Variants in RBM47 observed in about 807,000 individuals in gnomAD.
RBM47 encodes RNA binding motif protein 47, also known as RNA-binding protein 47.
RBM47 carries 21 observed loss-of-function variants against 47.1 expected under a neutral mutation model. That is an observed-to-expected ratio of 0.45 (90% confidence interval 0.32 to 0.64). The LOEUF is 0.64. Among genes scored for constraint, RBM47 ranks in the 30% least tolerant of loss-of-function variants. The pLI is 0.05. For synonymous variants in RBM47, 375 were observed against 361.7 expected, an observed-to-expected ratio of 1.04 and a Z score of -0.42; for missense variants, 708 against 870.9, an observed-to-expected ratio of 0.81 and a Z score of 2.35.
At chr4:40,436,944 A>T in intron 4 of RBM47, 1 of 401,046 alleles carries the variant, frequency 2.5e-6, no homozygotes, top group Non-Finnish European at 4.8e-6. Context: ...CCCCCCCGCC[A>T]AAAAAAAAAC....
chr4:40,558,419 C>T (rs6855612), intron 1 of RBM47, among the ~76,000 whole-genome samples: 14,517 of 151,488 alleles, frequency 0.096, 1,230 homozygotes, highest in African/African-American at 0.23. Context: ...TGGCTCACGC[C>T]TGTAATCCCA....
At chr4:40,461,541 G>A (rs1717140305) in intron 3 of RBM47, among the ~76,000 whole-genome samples, 1 of 152,158 alleles carries the variant, frequency 6.6e-6, no homozygotes, top group South Asian at 2.1e-4. Context: ...AGCAGCCCAC[G>A]TTGCTGAGGA....
chr4:40,426,207 C>G, intron 6 of RBM47, 64 bp from the exon 7 acceptor site: 1 of 1,546,728 alleles, frequency 6.5e-7, no homozygotes. Context: ...TCCATTCATT[C>G]AACAAGCCTC....
At chr4:40,556,981 T>C (rs547691577) in intron 1 of RBM47, among the ~76,000 whole-genome samples, 58 of 141,568 alleles carry the variant, frequency 4.1e-4, no homozygotes, top group African/African-American at 1.4e-3. Context: ...GGGGGGCACG[T>C]TGGGGGGAGT....
At chr4:40,579,903 A>G (rs1472003824) in intron 1 of RBM47, among the ~76,000 whole-genome samples, 1 of 151,978 alleles carries the variant, frequency 6.6e-6, no homozygotes, top group Non-Finnish European at 1.5e-5. Context: ...GCACACTACC[A>G]TGCCTGTCTA....
intron 1 of RBM47, among the ~76,000 whole-genome samples, chr4:40,605,647 A>G (rs541439962): frequency 1.3e-5 from 2 of 152,050 alleles, no homozygotes; most frequent in East Asian, 2.0e-4. Context: ...CCTGGCCAAC[A>G]TGGTGAAACC....
In RBM47 at chr4:40,423,648, TTCTTTTTCTTTC is replaced by T. The variant is rs1372250641; in HGVS notation, c.*2244_*2255del. On this transcript the variant is annotated 3_prime_UTR_variant, in exon 7 of 7. Transcript: ENST00000295971. The stretch of plus-strand genomic sequence containing the variant: ...GTTATCATTTTTTTTTATTCTTTCT[TTCTTTTTCTTTC>T]TTTCTTTCTTTCTTTCTTTCTTTCT... 4.8e-5 allele frequency: 7 copies of T among 145,636 alleles called. No homozygotes were observed. The South Asian group carries it at 1.1e-3, about 23-fold the overall frequency. The allele number at this position is 145,636 out of a possible 1,614,324, so 9.0% of individuals were successfully genotyped here. A position where few individuals can be genotyped will look rare whatever the true frequency, so the allele number is the denominator to read the frequency against.
At chr4:40,566,460 C>T (rs181472501) in intron 1 of RBM47, among the ~76,000 whole-genome samples, 28 of 152,056 alleles carry the variant, frequency 1.8e-4, no homozygotes, top group East Asian at 7.7e-4. Flanking sequence ...GCCTGACCAA[C>T]GTGGTGAAAC....
chr4:40,552,534 CA>C (rs11347007), intron 1 of RBM47, among the ~76,000 whole-genome samples: 5,770 of 152,200 alleles, frequency 0.038, 395 homozygotes, highest in African/African-American at 0.13. Context: ...TAATTTGAAC[CA>C]GGGGTAGACT....
At chr4:40,592,872 C>T (rs1393163129) in intron 1 of RBM47, among the ~76,000 whole-genome samples, 6 of 136,634 alleles carry the variant, frequency 4.4e-5, no homozygotes, top group Non-Finnish European at 7.6e-5. Context: ...GAAATGGCAT[C>T]TGAACCTTAG....
At position 40,532,309 on chromosome 4, in the gene RBM47, A is replaced by ATT. The variant is rs34850081; in HGVS notation, c.-155+12111_-155+12112dup. On this transcript the variant is annotated intron_variant, in intron 2 of 6. Coordinates refer to ENST00000295971, the MANE Select transcript of RBM47 (RefSeq NM_001098634.2). ...ACAGACGTGAGTCACCACGCCCGGC[A>ATT]TTTTTTTTTTTTTTTTTTTTTTGAG... is the stretch of plus-strand genomic sequence containing the variant. 7.4e-3 allele frequency among the ~76,000 whole-genome samples: 484 copies of ATT among 65,670 alleles called. 2 individuals are homozygous for ATT. The highest frequency in any genetic ancestry group is 0.019 in the Middle Eastern group (1 of 54). The allele number at this position is 65,670 out of a possible 152,430, so 43.1% of individuals were successfully genotyped here.
At chr4:40,556,609 G>A (rs1577953109) in intron 1 of RBM47, among the ~76,000 whole-genome samples, 1 of 152,114 alleles carries the variant, frequency 6.6e-6, no homozygotes, top group Non-Finnish European at 1.5e-5. Flanking sequence ...TACTATGAGG[G>A]CCAGACACAG....
At chr4:40,614,768 C>T (rs2154280000) in intron 1 of RBM47, among the ~76,000 whole-genome samples, 1 of 152,222 alleles carries the variant, frequency 6.6e-6, no homozygotes, top group East Asian at 1.9e-4. Context: ...AAGGCCAAGG[C>T]TGCAGTGAGC....
At chr4:40,496,496 C>A (rs1040432384) in intron 2 of RBM47, among the ~76,000 whole-genome samples, 1 of 152,172 alleles carries the variant, frequency 6.6e-6, no homozygotes, top group African/African-American at 2.4e-5. Flanking sequence ...CTTGTCTATG[C>A]AGACATTCAC....
At chr4:40,516,136 C>T (rs1025820143) in intron 2 of RBM47, among the ~76,000 whole-genome samples, 2 of 152,034 alleles carry the variant, frequency 1.3e-5, no homozygotes, top group Non-Finnish European at 2.9e-5. Flanking sequence ...CGCCTCCTAA[C>T]GCCTCATCCG....
At chr4:40,610,329 G>C (rs1057419868) in intron 1 of RBM47, among the ~76,000 whole-genome samples, 1 of 151,334 alleles carries the variant, frequency 6.6e-6, no homozygotes, top group Non-Finnish European at 1.5e-5. Context: ...TGTTTAGAAC[G>C]GGACCAAGCA....
At chr4:40,567,789 T>C (rs1384200840) in intron 1 of RBM47, among the ~76,000 whole-genome samples, 11 of 151,966 alleles carry the variant, frequency 7.2e-5, no homozygotes, top group Non-Finnish European at 5.9e-5. Context: ...GGCACAAAAA[T>C]GAAACCCAAT....
chr4:40,557,706 A>T (rs895195285), intron 1 of RBM47, among the ~76,000 whole-genome samples: 3 of 151,912 alleles, frequency 2.0e-5, no homozygotes, highest in African/African-American at 7.2e-5. Context: ...CCAAGGTCGC[A>T]CCATTGCACT....
At chr4:40,522,706 AAT>A (rs1726312017) in intron 2 of RBM47, among the ~76,000 whole-genome samples, 1 of 152,164 alleles carries the variant, frequency 6.6e-6, no homozygotes, top group African/African-American at 2.4e-5. Context: ...AGCAGAAGCA[AAT>A]ATGAGCATAC....
Sources: allele counts gnomAD v4.1 joint callset (sites outside exome capture counted in the v4.1 genomes callset), GRCh38; gene constraint gnomAD v4.1.1; transcripts MANE v1.5; gene names NCBI Gene and HGNC (gene_info 2026-07-23, HGNC 2026-07-21).